DLG2: variants seen among roughly 807,000 people sequenced by gnomAD.
DLG2 encodes the protein disks large homolog 2.
DLG2 carries 45 observed loss-of-function variants against 132.5 expected under a neutral mutation model. The ratio of observed to expected loss-of-function variants is 0.34; its 90% confidence interval spans 0.27 to 0.44. The LOEUF (loss-of-function observed/expected upper bound fraction) is 0.44. Among genes scored for constraint, DLG2 ranks in the 20% least tolerant of loss-of-function variants. The probability of loss-of-function intolerance (pLI) is 1.00; values close to 1 mark genes in which losing one functional copy is unlikely to be tolerated. For synonymous variants in DLG2, 424 were observed against 419.6 expected, an observed-to-expected ratio of 1.01 and a Z score of -0.13; for missense variants, 1,045 against 1,196.9, an observed-to-expected ratio of 0.87 and a Z score of 1.87.
chr11:84,775,788 G>C (rs2070367317), intron 6 of DLG2, among the ~76,000 whole-genome samples: 2 of 151,986 alleles, frequency 1.3e-5, no homozygotes, highest in African/African-American at 2.4e-5. Context: ...CTAACTATTG[G>C]GTACTATGCT....
intron 18 of DLG2, among the ~76,000 whole-genome samples, chr11:83,767,791 A>C (rs2094207099): frequency 1.3e-5 from 2 of 152,140 alleles, no homozygotes; most frequent in South Asian, 4.1e-4. Flanking sequence ...TACCTCCCGG[A>C]TACTTTCTAT....
At chr11:84,711,455 C>T (rs1353528378) in intron 6 of DLG2, among the ~76,000 whole-genome samples, 15 of 135,526 alleles carry the variant, frequency 1.1e-4, no homozygotes, top group African/African-American at 4.1e-4. Context: ...CCCATTATCA[C>T]GGAGGTTTTG....
rs148984542 is a variant in DLG2, at chr11:85,067,920, G to A, written c.357+43741C>T. 2.6e-3 allele frequency among the ~76,000 whole-genome samples: 396 copies of A among 152,034 alleles called. 1 individual carries two copies. Among genetic ancestry groups the A allele is most frequent in the African/African-American group, 9.0e-3 (372 of 41,488 alleles). ...ATCTCCAATAAAATACTGGCAAACC[G>A]AATATAGCAGCACATCAAAAAGCTT... is the stretch of plus-strand genomic sequence containing the variant. On this transcript the variant is annotated intron_variant, in intron 6 of 27. Coordinates refer to ENST00000376104, the MANE Select transcript of DLG2 (RefSeq NM_001142699.3).
chr11:83,504,850 C>T (rs1232214151), intron 21 of DLG2, among the ~76,000 whole-genome samples: 1 of 152,182 alleles, frequency 6.6e-6, no homozygotes, highest in Non-Finnish European at 1.5e-5. Flanking sequence ...TTTGCCCCAG[C>T]CCTGCAAAGT....
intron 7 of DLG2, among the ~76,000 whole-genome samples, chr11:84,448,990 T>C (rs371005357): frequency 6.6e-5 from 10 of 152,056 alleles, no homozygotes; most frequent in African/African-American, 2.4e-4. Context: ...TACAGAGACC[T>C]ATCTAGCATT....
At chr11:83,562,052 C>G (rs1277504558) in intron 19 of DLG2, among the ~76,000 whole-genome samples, 2 of 151,804 alleles carry the variant, frequency 1.3e-5, no homozygotes, top group Non-Finnish European at 2.9e-5. Flanking sequence ...CCACGCCCAG[C>G]TAATTTTTGT....
chr11:85,627,490 C>G (rs367546290), upstream of DLG2: 1 of 152,228 alleles, frequency 6.6e-6, no homozygotes, highest in South Asian at 2.1e-4. Context: ...ATTCAAGCAG[C>G]TCCCTATCCG....
intron 19 of DLG2, among the ~76,000 whole-genome samples, chr11:83,614,878 A>G (rs1389165387): frequency 6.6e-6 from 1 of 152,206 alleles, no homozygotes; most frequent in Non-Finnish European, 1.5e-5. Context: ...AATTAGTCCA[A>G]TATTTTAAGA....
chr11:83,969,192 A>C (rs764475224), intron 12 of DLG2, among the ~76,000 whole-genome samples: 1 of 152,174 alleles, frequency 6.6e-6, no homozygotes, highest in East Asian at 1.9e-4. Context: ...TGTCAAAGCC[A>C]TCAATTGGAT....
chr11:85,442,394 T>A (rs1413615484), intron 3 of DLG2, among the ~76,000 whole-genome samples: 2 of 152,158 alleles, frequency 1.3e-5, no homozygotes, highest in Non-Finnish European at 2.9e-5. Flanking sequence ...ATGGTCAAGT[T>A]ATATTTAGAG....
intron 11 of DLG2, among the ~76,000 whole-genome samples, chr11:84,035,659 T>A (rs1440230349): frequency 6.6e-6 from 1 of 152,264 alleles, no homozygotes. Flanking sequence ...GGGAAGCTAG[T>A]AGATAGTTTG....
At chr11:83,492,026 A>G (rs1466614397) in intron 21 of DLG2, among the ~76,000 whole-genome samples, 1 of 152,070 alleles carries the variant, frequency 6.6e-6, no homozygotes, top group Non-Finnish European at 1.5e-5. Context: ...CGTAGGTACT[A>G]CCTATGACTA....
chr11:84,687,454 C>G (rs1191454264), intron 6 of DLG2, among the ~76,000 whole-genome samples: 18 of 152,178 alleles, frequency 1.2e-4, no homozygotes, highest in Admixed American at 1.2e-3. Flanking sequence ...TAGCTTTCAA[C>G]ATATTTTCCC....
intron 19 of DLG2, among the ~76,000 whole-genome samples, chr11:83,628,390 T>C (rs2062979459): frequency 6.6e-6 from 1 of 152,204 alleles, no homozygotes; most frequent in Non-Finnish European, 1.5e-5. Flanking sequence ...TTTTTCTACC[T>C]GGCAGAAGCT....
chr11:85,484,210 C>T (rs1308555918), intron 3 of DLG2, among the ~76,000 whole-genome samples: 1 of 141,166 alleles, frequency 7.1e-6, no homozygotes, highest in African/African-American at 2.6e-5. Flanking sequence ...CCCCGTTCCT[C>T]CCGACCCCTC....
At chr11:83,653,174 C>G (rs1474208588) in intron 18 of DLG2, among the ~76,000 whole-genome samples, 1 of 152,158 alleles carries the variant, frequency 6.6e-6, no homozygotes, top group Non-Finnish European at 1.5e-5. Flanking sequence ...CTATCATAGT[C>G]CCAATTATCA....
At chr11:84,475,763 A>G (rs1235058806) in intron 7 of DLG2, among the ~76,000 whole-genome samples, 1 of 152,142 alleles carries the variant, frequency 6.6e-6, no homozygotes, top group African/African-American at 2.4e-5. Flanking sequence ...CTGGGGCACA[A>G]TGTCTGGTTG....
intron 6 of DLG2, among the ~76,000 whole-genome samples, chr11:84,930,674 T>C (rs145288007): frequency 7.9e-5 from 12 of 152,120 alleles, no homozygotes; most frequent in African/African-American, 2.9e-4. Flanking sequence ...AAAAGAAAAA[T>C]CAGTGACTGC....
At chr11:85,137,147 G>A (rs994476453) in intron 5 of DLG2, among the ~76,000 whole-genome samples, 2 of 152,060 alleles carry the variant, frequency 1.3e-5, no homozygotes, top group Admixed American at 6.6e-5. Context: ...ATGGAGAAGG[G>A]CAATTTCTAG....
Sources: gnomAD v4.1 joint callset for allele counts (sites outside exome capture counted in the v4.1 genomes callset) on GRCh38, gnomAD v4.1.1 for gene constraint, MANE v1.5 for transcripts, NCBI Gene and HGNC (gene_info 2026-07-23, HGNC 2026-07-21) for gene names.